SLC38A6: variants seen among roughly 807,000 people sequenced by gnomAD.
The protein encoded by SLC38A6 is solute carrier family 38 member 6.
A neutral mutation model predicts 65.0 loss-of-function variants in SLC38A6; 73 were observed. That is an observed-to-expected ratio of 1.12 (90% CI 0.93 to 1.37). SLC38A6 has a LOEUF of 1.37. Among genes scored for constraint, SLC38A6 ranks in the 40% most tolerant of loss-of-function variants. SLC38A6 has a pLI of 0.00. For synonymous variants in SLC38A6, 183 were observed against 178.8 expected (o/e 1.02, Z -0.19); for missense variants, 561 against 531.1 (o/e 1.06, Z -0.55).
At chr14:61,075,778 T>G (rs1231716692) in intron 15 of SLC38A6, among the ~76,000 whole-genome samples, 2 of 1,164 alleles carry the variant, frequency 1.7e-3, no homozygotes, top group African/African-American at 3.9e-3. Flanking sequence ...TCAACCTGTT[T>G]GTGTGTGTGT....
chr14:61,046,977 G>T (rs148275957), intron 12 of SLC38A6, among the ~76,000 whole-genome samples: 10 of 152,044 alleles, frequency 6.6e-5, no homozygotes, highest in African/African-American at 2.4e-4. Flanking sequence ...TTGGATGTTG[G>T]GTTTGTTAGT....
At chr14:61,075,057 A>T (rs983821535) in intron 15 of SLC38A6, among the ~76,000 whole-genome samples, 1 of 152,200 alleles carries the variant, frequency 6.6e-6, no homozygotes, top group Admixed American at 6.5e-5. Flanking sequence ...AGTGAGAGAG[A>T]TAGCTAAACC....
At chr14:61,006,655 C>T (rs1000313326) in intron 3 of SLC38A6, among the ~76,000 whole-genome samples, 6 of 152,198 alleles carry the variant, frequency 3.9e-5, no homozygotes, top group African/African-American at 1.2e-4. Flanking sequence ...GAATGGCAGT[C>T]ATTAAAAAGT....
At chr14:60,986,244 C>A (rs1419447756) in intron 3 of SLC38A6, among the ~76,000 whole-genome samples, 5 of 152,232 alleles carry the variant, frequency 3.3e-5, no homozygotes, top group Non-Finnish European at 7.3e-5. Flanking sequence ...ATCAGAAATA[C>A]TCATAGATCT....
intron 1 of SLC38A6, 116 bp from the exon 2 acceptor site, chr14:60,982,392 T>A: frequency 7.2e-7 from 1 of 1,388,198 alleles, no homozygotes; most frequent in African/African-American, 1.4e-5. Flanking sequence ...GAGTGTGTCA[T>A]ACAAACCCTG....
At chr14:61,058,052 T>C (rs1236003025) in intron 15 of SLC38A6, among the ~76,000 whole-genome samples, 2 of 137,832 alleles carry the variant, frequency 1.5e-5, no homozygotes, top group African/African-American at 5.5e-5. Context: ...TCAATTTTGT[T>C]GATACTTTCA....
intron 3 of SLC38A6, among the ~76,000 whole-genome samples, chr14:61,005,716 A>T (rs1023734271): frequency 6.6e-6 from 1 of 152,252 alleles, no homozygotes; most frequent in Non-Finnish European, 1.5e-5. Context: ...TTCCATGCTC[A>T]TGGGTAGGAA....
Position 60,981,376 on chromosome 14 carries a change from A to C in SLC38A6, c.99A>C (p.Leu33=), listed in dbSNP as rs2036999119. Residue 33 remains leucine, a synonymous_variant, in exon 1 of 16, where the codon CTA becomes CTC. Coordinates refer to ENST00000267488, the MANE Select transcript of SLC38A6 (RefSeq NM_153811.3). The part of the protein sequence containing the change: ...EAEAEELSPL[L]SNELHRQRSP... ...AGGCCGAAGAGTTGAGTCCGTTGCT[A>C]AGCAACGTAAGTGGGCTGTGTTCGC... The C allele has an allele frequency of 6.3e-7, 1 of 1,597,176 alleles. No individual in the cohort carries two copies. Among genetic ancestry groups the C allele is most frequent in the Admixed American group, 1.7e-5 (1 of 57,396 alleles).
intron 3 of SLC38A6, among the ~76,000 whole-genome samples, chr14:61,003,370 C>T (rs2038842217): frequency 1.3e-5 from 2 of 151,672 alleles, no homozygotes; most frequent in African/African-American, 4.8e-5. Context: ...AAATACCTAC[C>T]ATAATTTATG....
intron 4 of SLC38A6, among the ~76,000 whole-genome samples, chr14:61,017,768 C>T (rs1009916649): frequency 2.0e-5 from 3 of 152,032 alleles, no homozygotes; most frequent in African/African-American, 7.2e-5. Flanking sequence ...AATACATGCA[C>T]CAAAAAAGTT....
chr14:61,031,881 A>G (rs977123256), intron 6 of SLC38A6, among the ~76,000 whole-genome samples: 12 of 151,960 alleles, frequency 7.9e-5, no homozygotes, highest in South Asian at 2.1e-4. Flanking sequence ...TTAATATTCA[A>G]TAATCTCAGG....
intron 3 of SLC38A6, among the ~76,000 whole-genome samples, chr14:60,998,649 A>G (rs900714116): frequency 2.6e-5 from 4 of 152,194 alleles, no homozygotes; most frequent in Non-Finnish European, 4.4e-5. Flanking sequence ...TACTTAAGCA[A>G]TCTGTGGAAG....
intron 3 of SLC38A6, among the ~76,000 whole-genome samples, chr14:61,010,483 C>G (rs1217443473): frequency 6.6e-6 from 1 of 152,192 alleles, no homozygotes; most frequent in Non-Finnish European, 1.5e-5. Flanking sequence ...ATGGTATTGC[C>G]TAGGTTTTCT....
chr14:61,020,801 T>C (rs958686099), intron 5 of SLC38A6, among the ~76,000 whole-genome samples: 1 of 152,158 alleles, frequency 6.6e-6, no homozygotes, highest in African/African-American at 2.4e-5. Flanking sequence ...ACTGATAATG[T>C]TTCTGAATAT....
intron 8 of SLC38A6, among the ~76,000 whole-genome samples, chr14:61,039,752 C>A (rs1457897198): frequency 6.6e-6 from 1 of 151,898 alleles, no homozygotes; most frequent in East Asian, 1.9e-4. Flanking sequence ...TATATTAACC[C>A]AGAATTTTGG....
At chr14:61,078,125 C>A (rs1168308717) in intron 15 of SLC38A6, among the ~76,000 whole-genome samples, 5 of 152,160 alleles carry the variant, frequency 3.3e-5, no homozygotes, top group African/African-American at 1.2e-4. Context: ...ATTGCATGTG[C>A]CACATGCACA....
At chr14:61,082,409 TC>T (rs2043694061) in intron 16 of SLC38A6, among the ~76,000 whole-genome samples, 1 of 152,164 alleles carries the variant, frequency 6.6e-6, no homozygotes, top group Non-Finnish European at 1.5e-5. Flanking sequence ...GCTTTCTTGT[TC>T]CATGAGTCTC....
At chr14:61,028,239 A>C in intron 5 of SLC38A6, among the ~76,000 whole-genome samples, 1 of 152,196 alleles carries the variant, frequency 6.6e-6, no homozygotes, top group East Asian at 1.9e-4. Flanking sequence ...GAAAGAGATG[A>C]ATGTCTGAAA....
rs78035261 is a variant in SLC38A6 at position 61,037,737 on chromosome 14, G to A, written c.624+54G>A. The stretch of plus-strand genomic sequence containing the variant: ...TCTCCTCACTAAAATTGGACTCATT[G>A]TGTTAGTCTTTTTTACTTTTAACTG... On this transcript the variant is annotated intron_variant, in intron 8 of 15. Transcript: ENST00000267488. The A allele has an allele frequency of 1.8e-3, 2,215 of 1,208,398 alleles. 6 individuals carry two copies. The highest frequency in any genetic ancestry group is 0.012 in the African/African-American group (746 of 63,834). 74.9% of individuals were successfully genotyped at this position (1,208,398 alleles called of 1,614,324 possible). A position where few individuals can be genotyped will look rare whatever the true frequency, so the allele number is the denominator to read the frequency against.
Sources: allele counts gnomAD v4.1 joint callset (sites outside exome capture counted in the v4.1 genomes callset), GRCh38; gene constraint gnomAD v4.1.1; transcripts MANE v1.5; gene names NCBI Gene and HGNC (gene_info 2026-07-23, HGNC 2026-07-21).